LAMA2: variants seen among roughly 807,000 people sequenced by gnomAD.
The protein encoded by LAMA2 is laminin subunit alpha-2.
A neutral mutation model predicts 364.8 loss-of-function variants in LAMA2; 269 were observed. The observed-to-expected ratio is 0.74, with a 90% CI of 0.67 to 0.82. LAMA2 has a LOEUF of 0.82. LAMA2 is among the 40% of genes least tolerant of loss of function. The probability of loss-of-function intolerance (pLI) is 0.00; values close to 1 mark genes in which losing one functional copy is unlikely to be tolerated. For missense variants in LAMA2, 3,807 were observed against 3,873.2 expected (o/e 0.98, Z 0.45); for synonymous variants, 1,379 against 1,370.6 (o/e 1.01, Z -0.14).
intron 4 of LAMA2, among the ~76,000 whole-genome samples, chr6:129,117,620 T>G (rs1228149702): frequency 1.3e-5 from 2 of 152,180 alleles, no homozygotes; most frequent in East Asian, 3.8e-4. Context: ...CACACAAAAG[T>G]GTTTTTTCAG....
chr6:128,893,358 T>G (rs1776575914), intron 1 of LAMA2, among the ~76,000 whole-genome samples: 3 of 152,030 alleles, frequency 2.0e-5, no homozygotes, highest in Admixed American at 2.0e-4. Flanking sequence ...CTTTGTTTTT[T>G]TTCCCCAGTG....
intron 49 of LAMA2, 118 bp from the exon 50 acceptor site, chr6:129,464,172 A>C: frequency 1.1e-6 from 1 of 870,586 alleles, no homozygotes. Context: ...ATGAAGATGT[A>C]TTTAGGGTAT....
At chr6:129,515,946 C>T (rs1192052940) in intron 64 of LAMA2, among the ~76,000 whole-genome samples, 3 of 152,042 alleles carry the variant, frequency 2.0e-5, no homozygotes, top group Admixed American at 6.6e-5. Context: ...GTTGAGGCTG[C>T]AGTAAGCCTT....
chr6:129,471,714 T>C (rs1294848579), intron 51 of LAMA2, among the ~76,000 whole-genome samples: 4 of 151,968 alleles, frequency 2.6e-5, no homozygotes, highest in Admixed American at 6.6e-5. Context: ...ATTATGTATA[T>C]AAAAATAATA....
At chr6:129,205,428 T>G (rs767076460) in intron 12 of LAMA2, among the ~76,000 whole-genome samples, 1 of 146,406 alleles carries the variant, frequency 6.8e-6, no homozygotes, top group Non-Finnish European at 1.5e-5. Flanking sequence ...AAATCCAAAG[T>G]TATAAATGCA....
In LAMA2 at chr6:129,320,530, G is replaced by T; in HGVS notation, c.4059-8G>T. 1 of 1,528,006 alleles carries T rather than the reference G, an allele frequency of 6.5e-7. No individual in the cohort carries two copies. Among genetic ancestry groups the T allele is most frequent in the Non-Finnish European group, 9.1e-7 (1 of 1,101,474 alleles). The allele number at this position is 1,528,006 out of a possible 1,614,324, so 94.7% of individuals were successfully genotyped here. ...ATAGTAATCTAAGTACATTCTCGCT[G>T]TTTCTAGGATTTCTGAAATCTCAAT... On this transcript the variant is annotated splice_polypyrimidine_tract_variant and splice_region_variant and intron_variant, in intron 27 of 64. Transcript: ENST00000421865.
chr6:129,189,982 G>C (rs151072365), intron 10 of LAMA2, among the ~76,000 whole-genome samples: 185 of 152,224 alleles, frequency 1.2e-3, no homozygotes, highest in African/African-American at 4.4e-3. Flanking sequence ...TTTTACGAGA[G>C]TAGATTTGCA....
chr6:129,230,473 G>A (rs1188214846), intron 12 of LAMA2, among the ~76,000 whole-genome samples: 1 of 152,044 alleles, frequency 6.6e-6, no homozygotes, highest in Non-Finnish European at 1.5e-5. Flanking sequence ...ATACTTTTAT[G>A]GGATGTGGAA....
At chr6:129,448,639 T>C (rs1782512058) in intron 45 of LAMA2, among the ~76,000 whole-genome samples, 1 of 152,204 alleles carries the variant, frequency 6.6e-6, no homozygotes, top group Non-Finnish European at 1.5e-5. Context: ...ATGACCTACT[T>C]ACTGGATGAA....
chr6:128,885,222 T>C (rs1310686093), intron 1 of LAMA2, among the ~76,000 whole-genome samples: 1 of 152,214 alleles, frequency 6.6e-6, no homozygotes, highest in African/African-American at 2.4e-5. Flanking sequence ...GGAGGTTGGC[T>C]CAAGGATAAA....
intron 12 of LAMA2, among the ~76,000 whole-genome samples, chr6:129,232,490 C>A (rs139980879): frequency 6.6e-6 from 1 of 151,984 alleles, no homozygotes. Context: ...AATATAGATA[C>A]GTACATTCCT....
intron 40 of LAMA2, among the ~76,000 whole-genome samples, chr6:129,414,920 G>T (rs1780706643): frequency 6.6e-6 from 1 of 152,096 alleles, no homozygotes; most frequent in African/African-American, 2.4e-5. Context: ...ATTAAGTGGG[G>T]CATTATCTAT....
intron 43 of LAMA2, among the ~76,000 whole-genome samples, chr6:129,441,629 T>C (rs777611401): frequency 8.5e-5 from 13 of 152,072 alleles, no homozygotes; most frequent in Non-Finnish European, 1.6e-4. Flanking sequence ...ATTAGTTAAA[T>C]ATAGTCAAAA....
Position 129,177,955 on chromosome 6 carries a change from T to C in LAMA2, c.1467+89T>C, listed in dbSNP as rs1780708832. On this transcript the variant is annotated intron_variant, in intron 10 of 64. Coordinates refer to ENST00000421865, the MANE Select transcript of LAMA2 (RefSeq NM_000426.4). ...TGTTGATTTCCTTGGCATTAAGCAATTTTAATGACTTCTGGAAGTATCCAT... is the reference window on the plus strand; with the variant it reads ...TGTTGATTTCCTTGGCATTAAGCAACTTTAATGACTTCTGGAAGTATCCAT... 6 of 1,273,100 alleles carry C rather than the reference T, an allele frequency of 4.7e-6. No homozygotes were observed. The South Asian group carries it at 5.0e-5, about 11-fold the overall frequency. 78.9% of individuals were successfully genotyped at this position (1,273,100 alleles called of 1,614,324 possible). A position where few individuals can be genotyped will look rare whatever the true frequency, so the allele number is the denominator to read the frequency against.
At position 128,979,111 on chromosome 6, in the gene LAMA2, T is replaced by C. The variant is rs567820011; in HGVS notation, c.113-70807T>C. ...ATTCTGTAAAGGCTTAGATAGTAAG[T>C]ATTATAAATATTGCAGGTGATATGG... On this transcript the variant is annotated intron_variant, in intron 1 of 64. Coordinates refer to ENST00000421865, the MANE Select transcript of LAMA2 (RefSeq NM_000426.4). Among the ~76,000 whole-genome samples, 3 of 152,328 alleles carry C rather than the reference T, an allele frequency of 2.0e-5. No individual in the cohort carries two copies. The East Asian group carries it at 5.8e-4, about 29-fold the overall frequency.
intron 32 of LAMA2, among the ~76,000 whole-genome samples, chr6:129,353,871 G>A (rs1274126616): frequency 1.3e-5 from 2 of 152,164 alleles, no homozygotes; most frequent in Non-Finnish European, 2.9e-5. Flanking sequence ...TAACAATGAA[G>A]TCAAGTATTT....
intron 1 of LAMA2, among the ~76,000 whole-genome samples, chr6:128,886,516 G>A (rs1030301045): frequency 1.3e-5 from 2 of 152,114 alleles, no homozygotes; most frequent in African/African-American, 4.8e-5. Flanking sequence ...GTATTTCATT[G>A]ACAAATGGGT....
intron 40 of LAMA2, among the ~76,000 whole-genome samples, chr6:129,425,251 T>A (rs2114736378): frequency 6.6e-6 from 1 of 152,138 alleles, no homozygotes; most frequent in South Asian, 2.1e-4. Flanking sequence ...CATGGTTTAT[T>A]TATGCCAGTT....
At chr6:128,929,484 C>T in intron 1 of LAMA2, 1 of 840,526 alleles carries the variant, frequency 1.2e-6, no homozygotes, top group Non-Finnish European at 2.1e-6. Flanking sequence ...GACAGACAGA[C>T]TCTTTATGGT....
Sources: allele counts gnomAD v4.1 joint callset (sites outside exome capture counted in the v4.1 genomes callset), GRCh38; gene constraint gnomAD v4.1.1; transcripts MANE v1.5; gene names NCBI Gene and HGNC (gene_info 2026-07-23, HGNC 2026-07-21).